The following WWOX variants were observed in gnomAD, a reference collection of about 807,000 sequenced individuals.
WWOX encodes the protein WW domain-containing oxidoreductase.
WWOX carries 69 observed loss-of-function variants against 46.2 expected under a neutral mutation model. The observed-to-expected ratio is 1.49, with a 90% CI of 1.23 to 1.82. The LOEUF is 1.82. Ranked by LOEUF, WWOX falls within the 40% of genes most tolerant of loss-of-function variation. The probability of loss-of-function intolerance (pLI) is 0.00; values close to 1 mark genes in which losing one functional copy is unlikely to be tolerated. For synonymous variants in WWOX, 359 were observed against 202.6 expected, an observed-to-expected ratio of 1.77 and a Z score of -6.56; for missense variants, 919 against 542.6, an observed-to-expected ratio of 1.69 and a Z score of -6.89.
chr16:78,777,119 T>C (rs571198954), intron 8 of WWOX, among the ~76,000 whole-genome samples: 6 of 152,342 alleles, frequency 3.9e-5, no homozygotes, highest in African/African-American at 1.4e-4. Context: ...TGATTATTTT[T>C]TCAGAATCAT....
Position 78,346,754 on chromosome 16 carries a change from G to T in WWOX, c.517-40106G>T, listed in dbSNP as rs980322105. On this transcript the variant is annotated intron_variant, in intron 5 of 8. Coordinates refer to ENST00000566780, the MANE Select transcript of WWOX (RefSeq NM_016373.4). ...GAGTCTCGCTCTGTTGCCCAGTCTG[G>T]AGAGCAGTGGTGTGATCTTGGTTTA... is the stretch of plus-strand genomic sequence containing the variant. Among the ~76,000 whole-genome samples, 2 of 120,310 alleles carry T rather than the reference G, an allele frequency of 1.7e-5. 1 individual carries two copies. The highest frequency in any genetic ancestry group is 4.0e-5 in the Non-Finnish European group (2 of 50,388). The allele number at this position is 120,310 out of a possible 152,430, so 78.9% of individuals were successfully genotyped here. A position where few individuals can be genotyped will look rare whatever the true frequency, so the allele number is the denominator to read the frequency against.
At chr16:78,964,741 C>T (rs1365693308) in intron 8 of WWOX, among the ~76,000 whole-genome samples, 1 of 152,230 alleles carries the variant, frequency 6.6e-6, no homozygotes, top group Non-Finnish European at 1.5e-5. Context: ...TTCACAGCAG[C>T]CCCTCCTATC....
intron 8 of WWOX, among the ~76,000 whole-genome samples, chr16:78,918,219 AAAAG>A (rs369703566): frequency 1.1e-4 from 16 of 152,326 alleles, no homozygotes; most frequent in African/African-American, 3.8e-4. Context: ...TCTCAAAGAT[AAAAG>A]AAAGAAAGAA....
At chr16:78,779,312 CT>C (rs2050268355) in intron 8 of WWOX, among the ~76,000 whole-genome samples, 1 of 152,066 alleles carries the variant, frequency 6.6e-6, no homozygotes, top group Non-Finnish European at 1.5e-5. Context: ...ACCTGGCTAA[CT>C]TTTATTTATT....
intron 4 of WWOX, among the ~76,000 whole-genome samples, chr16:78,161,523 T>G (rs533027777): frequency 6.6e-6 from 1 of 152,320 alleles, no homozygotes; most frequent in East Asian, 1.9e-4. Flanking sequence ...CATAGCTGAC[T>G]GTGCCCTTGA....
intron 8 of WWOX, among the ~76,000 whole-genome samples, chr16:79,074,409 C>T (rs1236543872): frequency 1.2e-3 from 36 of 30,990 alleles, no homozygotes; most frequent in Admixed American, 4.7e-3. Flanking sequence ...GTCACTAGTC[C>T]TTTTTTTTTT....
chr16:78,485,863 G>A (rs892882043), intron 8 of WWOX, among the ~76,000 whole-genome samples: 9 of 152,206 alleles, frequency 5.9e-5, no homozygotes, highest in Non-Finnish European at 1.0e-4. Context: ...TATTCAGAAT[G>A]TCAGCATGGA....
chr16:78,892,125 G>A (rs1358998726), intron 8 of WWOX: 2 of 152,072 alleles, frequency 1.3e-5, no homozygotes, highest in Non-Finnish European at 2.9e-5. Flanking sequence ...GCCAAACCAT[G>A]TTTTCTGTTT....
intron 8 of WWOX, among the ~76,000 whole-genome samples, chr16:78,778,036 C>T (rs542323971): frequency 4.9e-5 from 5 of 102,168 alleles, no homozygotes; most frequent in South Asian, 8.3e-4. Flanking sequence ...CAGAGTGAGA[C>T]TCCATCTGAA....
intron 8 of WWOX, among the ~76,000 whole-genome samples, chr16:79,061,980 C>G (rs1476451330): frequency 6.6e-6 from 1 of 152,212 alleles, no homozygotes; most frequent in Admixed American, 6.5e-5. Context: ...TGCCTGCATT[C>G]TTTTCACAGC....
At chr16:78,144,498 CACATATAT>C (rs2034125551) in intron 4 of WWOX, among the ~76,000 whole-genome samples, 1 of 15,318 alleles carries the variant, frequency 6.5e-5, no homozygotes, top group African/African-American at 4.0e-4. Flanking sequence ...CACACACACA[CACATATAT>C]ATATATATAT....
chr16:78,617,229 C>T (rs927480462), intron 8 of WWOX, among the ~76,000 whole-genome samples: 8 of 151,888 alleles, frequency 5.3e-5, no homozygotes, highest in Admixed American at 2.0e-4. Flanking sequence ...CTGGGCAACA[C>T]GGTGAAACTA....
Position 78,547,201 on chromosome 16 carries a change from C to T in WWOX, c.1056+114449C>T, listed in dbSNP as rs568436963. Among the ~76,000 whole-genome samples the T allele has an allele frequency of 1.2e-3, 183 of 147,670 alleles. 1 individual carries two copies. The highest frequency in any genetic ancestry group is 3.7e-3 in the South Asian group (17 of 4,552). ...TGGAATGTCTGCCAGTTTCAACCCA[C>T]GGGGATAGGGTGAGATGAACATTGA... On this transcript the variant is annotated intron_variant, in intron 8 of 8. Transcript: ENST00000566780.
At chr16:78,872,598 G>C (rs2044151431) in intron 8 of WWOX, 1 of 152,124 alleles carries the variant, frequency 6.6e-6, no homozygotes, top group African/African-American at 2.4e-5. Flanking sequence ...AGGGCACATG[G>C]TAGGAATTCA....
intron 8 of WWOX, among the ~76,000 whole-genome samples, chr16:78,692,855 G>C (rs1052084305): frequency 1.5e-4 from 23 of 152,324 alleles, no homozygotes; most frequent in African/African-American, 5.5e-4. Context: ...TGTTTTTGGT[G>C]AATAGGCCAT....
At chr16:79,204,344 G>A (rs1270901476) in intron 8 of WWOX, 1 of 152,124 alleles carries the variant, frequency 6.6e-6, no homozygotes, top group African/African-American at 2.4e-5. Flanking sequence ...AATGGAAGAT[G>A]GAACAAGTGT....
intron 8 of WWOX, among the ~76,000 whole-genome samples, chr16:78,602,581 A>G (rs2045647275): frequency 6.6e-6 from 1 of 152,184 alleles, no homozygotes; most frequent in Non-Finnish European, 1.5e-5. Flanking sequence ...TTGTGCTGGT[A>G]GCATCATCCC....
At chr16:78,174,041 A>C (rs1256734307) in intron 5 of WWOX, among the ~76,000 whole-genome samples, 2 of 152,086 alleles carry the variant, frequency 1.3e-5, no homozygotes, top group Admixed American at 6.5e-5. Flanking sequence ...ACTCTCATCT[A>C]ATCACCTCTG....
rs2083030940 is a variant in WWOX at position 78,424,557 on chromosome 16, T to A, written c.606-313T>A. Among the ~76,000 whole-genome samples the A allele has an allele frequency of 5.9e-5, 9 of 152,230 alleles. 1 individual carries two copies. Among genetic ancestry groups the A allele is most frequent in the Admixed American group, 5.9e-4 (9 of 15,282 alleles). On this transcript the variant is annotated intron_variant, in intron 6 of 8. Coordinates refer to ENST00000566780, the MANE Select transcript of WWOX (RefSeq NM_016373.4). ...CAGGTGGTTGAACCTGAGTTCCAAC[T>A]AGGGTGACAACTCTTCGCAGATTGC...
Sources: allele counts gnomAD v4.1 joint callset (sites outside exome capture counted in the v4.1 genomes callset), GRCh38; gene constraint gnomAD v4.1.1; transcripts MANE v1.5; gene names NCBI Gene and HGNC (gene_info 2026-07-23, HGNC 2026-07-21).